GABRB2: variants seen among roughly 807,000 people sequenced by gnomAD.
GABRB2 encodes gamma-aminobutyric acid receptor subunit beta-2.
In GABRB2, 16 loss-of-function variants were observed where a neutral mutation model predicts 54.7. The ratio of observed to expected loss-of-function variants is 0.29; its 90% CI spans 0.20 to 0.44. GABRB2 has a LOEUF of 0.44. Among genes scored for constraint, GABRB2 ranks in the 20% least tolerant of loss-of-function variants. The probability of loss-of-function intolerance (pLI) is 1.00; values close to 1 mark genes in which losing one functional copy is unlikely to be tolerated. For missense variants in GABRB2, 355 were observed against 644.0 expected (o/e 0.55, Z 4.86); for synonymous variants, 244 against 233.8 (o/e 1.04, Z -0.40).
At chr5:161,472,146 GTTATTA>G (rs1361112955) in intron 3 of GABRB2, among the ~76,000 whole-genome samples, 5 of 151,656 alleles carry the variant, frequency 3.3e-5, no homozygotes, top group Admixed American at 3.3e-4. Context: ...ACAAATGTTT[GTTATTA>G]TTATTAATGT....
chr5:161,355,847 A>T (rs1409411158), intron 5 of GABRB2, among the ~76,000 whole-genome samples: 3 of 152,208 alleles, frequency 2.0e-5, no homozygotes, highest in Non-Finnish European at 4.4e-5. Context: ...TTAGTATCCA[A>T]CCTACAGAAG....
chr5:161,301,709 G>T (rs2113346755), intron 9 of GABRB2, among the ~76,000 whole-genome samples: 1 of 152,284 alleles, frequency 6.6e-6, no homozygotes, highest in African/African-American at 2.4e-5. Flanking sequence ...GACCTATGCT[G>T]CAGGCCTTGC....
chr5:161,364,885 C>T (rs527242878), intron 5 of GABRB2, among the ~76,000 whole-genome samples: 70 of 152,130 alleles, frequency 4.6e-4, no homozygotes, highest in African/African-American at 1.5e-3. Context: ...ACAGCCATTC[C>T]GTAAGTACTT....
intron 7 of GABRB2, among the ~76,000 whole-genome samples, chr5:161,331,842 G>A (rs1470424005): frequency 1.3e-5 from 2 of 152,112 alleles, no homozygotes; most frequent in African/African-American, 4.8e-5. Context: ...CAGTGTGGAT[G>A]ATGGGGAGAA....
chr5:161,292,801 A>G lies in GABRB2; in HGVS notation c.*1280T>C, dbSNP rs942941222. The G allele has an allele frequency of 6.6e-6, 1 of 152,220 alleles. No homozygotes were observed. Among genetic ancestry groups the G allele is most frequent in the African/African-American group, 2.4e-5 (1 of 41,464 alleles). 9.4% of individuals were successfully genotyped at this position (152,220 alleles called of 1,614,324 possible). ...AAGTATTATTTGCTTTGAAAAATAC[A>G]ATGGTGAATTTCATTGCATATAAGA... On this transcript the variant is annotated 3_prime_UTR_variant, in exon 10 of 10. Coordinates refer to ENST00000393959, the MANE Select transcript of GABRB2 (RefSeq NM_001371727.1).
At chr5:161,451,538 A>G (rs998231890) in intron 4 of GABRB2, among the ~76,000 whole-genome samples, 1 of 152,202 alleles carries the variant, frequency 6.6e-6, no homozygotes, top group Non-Finnish European at 1.5e-5. Context: ...TGTCACAAAT[A>G]ATTTTGCCTA....
intron 5 of GABRB2, among the ~76,000 whole-genome samples, chr5:161,355,691 A>C (rs1466400905): frequency 2.6e-5 from 4 of 152,096 alleles, no homozygotes; most frequent in Non-Finnish European, 4.4e-5. Flanking sequence ...TTAAAAATCT[A>C]TCAGATTAGT....
At chr5:161,402,041 T>C (rs1044295927) in intron 5 of GABRB2, among the ~76,000 whole-genome samples, 9 of 151,664 alleles carry the variant, frequency 5.9e-5, no homozygotes, top group Non-Finnish European at 1.0e-4. Context: ...TTACATACCA[T>C]ATAGAATAGC....
At chr5:161,500,588 C>T (rs1759402190) in intron 3 of GABRB2, among the ~76,000 whole-genome samples, 1 of 152,212 alleles carries the variant, frequency 6.6e-6, no homozygotes, top group Non-Finnish European at 1.5e-5. Flanking sequence ...AATCCCTTTT[C>T]AAGTAATGTC....
rs569942165 is a variant in GABRB2, at chr5:161,405,193, G to C, written c.541+5782C>G. On this transcript the variant is annotated intron_variant, in intron 5 of 9. Coordinates refer to ENST00000393959, the MANE Select transcript of GABRB2 (RefSeq NM_001371727.1). Reference sequence around the variant, plus strand: ...CCTAGCCTCAGTGTTCCTTCCTCAGGGTAAATGTTCCGTCCAACACTCCAG... The same window carrying C: ...CCTAGCCTCAGTGTTCCTTCCTCAGCGTAAATGTTCCGTCCAACACTCCAG... Among the ~76,000 whole-genome samples the C allele has an allele frequency of 4.6e-5, 7 of 151,932 alleles. No individual in the cohort carries two copies. In the East Asian group the frequency reaches 1.4e-3, roughly 30 times the overall value.
At chr5:161,499,657 A>G (rs751756798) in intron 3 of GABRB2, among the ~76,000 whole-genome samples, 10 of 152,220 alleles carry the variant, frequency 6.6e-5, no homozygotes, top group Non-Finnish European at 1.3e-4. Context: ...TTGTTCTTCT[A>G]ATATAAGAAC....
At chr5:161,440,462 T>C (rs1757437433) in intron 4 of GABRB2, among the ~76,000 whole-genome samples, 1 of 152,038 alleles carries the variant, frequency 6.6e-6, no homozygotes, top group Admixed American at 6.6e-5. Flanking sequence ...CGACAAAATA[T>C]ATTTCAACAT....
At chr5:161,402,352 G>A (rs1031857942) in intron 5 of GABRB2, among the ~76,000 whole-genome samples, 1 of 152,032 alleles carries the variant, frequency 6.6e-6, no homozygotes, top group Non-Finnish European at 1.5e-5. Context: ...TATTGCATAT[G>A]CAGTTAAATA....
chr5:161,372,043 A>G (rs1755148046), intron 5 of GABRB2, among the ~76,000 whole-genome samples: 1 of 152,156 alleles, frequency 6.6e-6, no homozygotes, highest in South Asian at 2.1e-4. Flanking sequence ...AAAATGTTTT[A>G]TAATGAGATA....
chr5:161,492,902 CA>C (rs1483379898), intron 3 of GABRB2, among the ~76,000 whole-genome samples: 1 of 151,660 alleles, frequency 6.6e-6, no homozygotes, highest in Non-Finnish European at 1.5e-5. Context: ...TATTGGCTTA[CA>C]AAAGTATATA....
intron 5 of GABRB2, among the ~76,000 whole-genome samples, chr5:161,337,540 G>A (rs150512264): frequency 0.017 from 2,615 of 152,156 alleles, 34 homozygotes; most frequent in Middle Eastern, 0.082. Context: ...CACCTACTAT[G>A]CATATCAGGG....
At chr5:161,365,496 T>C (rs1322242356) in intron 5 of GABRB2, among the ~76,000 whole-genome samples, 1 of 152,228 alleles carries the variant, frequency 6.6e-6, no homozygotes, top group Non-Finnish European at 1.5e-5. Flanking sequence ...TAGTGATGTT[T>C]TAATACAGAT....
intron 4 of GABRB2, among the ~76,000 whole-genome samples, chr5:161,411,724 G>A (rs1312470625): frequency 2.0e-5 from 3 of 151,698 alleles, no homozygotes; most frequent in East Asian, 1.9e-4. Flanking sequence ...AAATAAATAC[G>A]TTCCTTCAAT....
At chr5:161,327,119 A>T in intron 8 of GABRB2, 1 of 286,994 alleles carries the variant, frequency 3.5e-6, no homozygotes, top group Non-Finnish European at 5.2e-6. Flanking sequence ...CTCTCCTAGC[A>T]TTAGAATAAA....
Sources: allele counts gnomAD v4.1 joint callset (sites outside exome capture counted in the v4.1 genomes callset), GRCh38; gene constraint gnomAD v4.1.1; transcripts MANE v1.5; gene names NCBI Gene and HGNC (gene_info 2026-07-23, HGNC 2026-07-21).